SGCD: variants seen among roughly 807,000 people sequenced by gnomAD.
SGCD encodes the protein delta-sarcoglycan.
A neutral mutation model predicts 36.6 loss-of-function variants in SGCD; 18 were observed. That is an observed-to-expected ratio of 0.49 (90% confidence interval 0.34 to 0.73). The LOEUF is 0.73. Among genes scored for constraint, SGCD ranks in the 30% least tolerant of loss-of-function variants. The probability of loss-of-function intolerance (pLI) is 0.01; values close to 1 mark genes in which losing one functional copy is unlikely to be tolerated. For missense variants in SGCD, 387 were observed against 346.7 expected, an observed-to-expected ratio of 1.12 and a Z score of -0.92; for synonymous variants, 133 against 130.6, an observed-to-expected ratio of 1.02 and a Z score of -0.12.
chr5:155,788,624 A>G, the SGCD span, among the ~76,000 whole-genome samples: 1 of 152,176 alleles, frequency 6.6e-6, no homozygotes, highest in Admixed American at 6.6e-5. Flanking sequence ...GCAACCATCC[A>G]TTAATTCATT....
At chr5:156,389,964 T>C (rs1419911189) in intron 3 of SGCD, among the ~76,000 whole-genome samples, 2 of 152,086 alleles carry the variant, frequency 1.3e-5, no homozygotes, top group Non-Finnish European at 2.9e-5. Flanking sequence ...GATAAGATTA[T>C]TGATGGAGCT....
chr5:156,013,417 C>T (rs970652971), intron 1 of SGCD, among the ~76,000 whole-genome samples: 1 of 152,190 alleles, frequency 6.6e-6, no homozygotes, highest in Non-Finnish European at 1.5e-5. Context: ...GCTCTTAATA[C>T]ATCTTGTTAA....
At chr5:155,844,161 T>G in the SGCD span, among the ~76,000 whole-genome samples, 91 of 152,216 alleles carry the variant, frequency 6.0e-4, no homozygotes, top group African/African-American at 2.1e-3. Flanking sequence ...TATCTGAAGT[T>G]TGTATTGTTT....
chr5:155,963,570 C>T (rs750420175), intron 1 of SGCD, among the ~76,000 whole-genome samples: 7 of 152,076 alleles, frequency 4.6e-5, no homozygotes, highest in Admixed American at 2.6e-4. Flanking sequence ...TTTTATTCCA[C>T]GTATTGCCTT....
intron 3 of SGCD, among the ~76,000 whole-genome samples, chr5:156,302,972 C>G (rs1400527891): frequency 6.6e-6 from 1 of 152,212 alleles, no homozygotes; most frequent in East Asian, 1.9e-4. Context: ...CACTGCCTAT[C>G]TACCACAGAT....
chr5:155,858,942 G>GTTTTT, the SGCD span, among the ~76,000 whole-genome samples: 1 of 148,508 alleles, frequency 6.7e-6, no homozygotes, highest in African/African-American at 2.5e-5. Flanking sequence ...GGCAATGCAG[G>GTTTTT]TTTTTTTTTT....
At chr5:155,935,692 C>T (rs1299287968) in intron 1 of SGCD, among the ~76,000 whole-genome samples, 1 of 152,138 alleles carries the variant, frequency 6.6e-6, no homozygotes, top group Non-Finnish European at 1.5e-5. Flanking sequence ...TAATCACTTG[C>T]CTAAGGTTGT....
chr5:156,499,009 T>C (rs1756329985), intron 3 of SGCD, among the ~76,000 whole-genome samples: 1 of 150,838 alleles, frequency 6.6e-6, no homozygotes, highest in Admixed American at 6.7e-5. Context: ...AAGGAAGGAA[T>C]GCAATCTGCA....
chr5:156,688,739 T>G (rs1209718185), intron 7 of SGCD, among the ~76,000 whole-genome samples: 1 of 152,184 alleles, frequency 6.6e-6, no homozygotes, highest in Non-Finnish European at 1.5e-5. Flanking sequence ...CTTGACTCGA[T>G]GGCTCTGTTG....
chr5:156,487,788 C>CAAAAAAAAAAAAAAA (rs56006984), intron 3 of SGCD, among the ~76,000 whole-genome samples: 8 of 41,388 alleles, frequency 1.9e-4, no homozygotes, highest in South Asian at 1.4e-3. Flanking sequence ...ACTCTGTCAC[C>CAAAAAAAAAAAAAAA]AAAAAAAAAA....
At chr5:155,809,492 T>C in the SGCD span, among the ~76,000 whole-genome samples, 1 of 152,188 alleles carries the variant, frequency 6.6e-6, no homozygotes, top group Admixed American at 6.5e-5. Flanking sequence ...TCACTGATAC[T>C]TGGGGTAAGT....
At chr5:156,477,095 G>T (rs1561721059) in intron 3 of SGCD, among the ~76,000 whole-genome samples, 3 of 149,566 alleles carry the variant, frequency 2.0e-5, no homozygotes, top group Non-Finnish European at 4.4e-5. Flanking sequence ...AGTGCTAAAT[G>T]AACTGAAAAG....
At chr5:156,214,621 A>G (rs1023257375) in intron 3 of SGCD, among the ~76,000 whole-genome samples, 3 of 152,120 alleles carry the variant, frequency 2.0e-5, no homozygotes, top group African/African-American at 7.2e-5. Context: ...TGGAACCACA[A>G]AAGACTTTAA....
chr5:156,061,346 G>A (rs1329431383), intron 1 of SGCD, among the ~76,000 whole-genome samples: 1 of 145,890 alleles, frequency 6.9e-6, no homozygotes, highest in Non-Finnish European at 1.5e-5. Context: ...CAGAGACAGG[G>A]AGTTAATTAA....
chr5:156,363,220 A>G (rs1455938436), intron 3 of SGCD, among the ~76,000 whole-genome samples: 1 of 152,182 alleles, frequency 6.6e-6, no homozygotes, highest in African/African-American at 2.4e-5. Context: ...TAACCTCTTC[A>G]CTACTGACCT....
chr5:155,857,588 G>T, the SGCD span, among the ~76,000 whole-genome samples: 1 of 152,222 alleles, frequency 6.6e-6, no homozygotes, highest in South Asian at 2.1e-4. Flanking sequence ...TCTAGAAACT[G>T]CAATTAATAG....
intron 4 of SGCD, among the ~76,000 whole-genome samples, chr5:156,560,029 G>A (rs1300403505): frequency 6.6e-6 from 1 of 152,198 alleles, no homozygotes; most frequent in African/African-American, 2.4e-5. Flanking sequence ...GGTAATGGAG[G>A]TCAGAGGTTA....
At chr5:155,876,338 A>G (rs1007720779) in intron 1 of SGCD, among the ~76,000 whole-genome samples, 1 of 151,916 alleles carries the variant, frequency 6.6e-6, no homozygotes, top group Admixed American at 6.6e-5. Flanking sequence ...TAACATCAAT[A>G]CAAGAATATC....
intron 3 of SGCD, among the ~76,000 whole-genome samples, chr5:156,307,650 GATTTCTTTCTCAT>G (rs1767261622): frequency 7.4e-6 from 1 of 135,518 alleles, no homozygotes; most frequent in Admixed American, 8.0e-5. Context: ...ACCATACTTA[GATTTCTTTCTCAT>G]TTCATGTTAT....
Sources: allele counts gnomAD v4.1 joint callset (sites outside exome capture counted in the v4.1 genomes callset), GRCh38; gene constraint gnomAD v4.1.1; transcripts MANE v1.5; gene names NCBI Gene and HGNC (gene_info 2026-07-23, HGNC 2026-07-21).